The following TMTC2 variants were observed in gnomAD, a reference collection of about 807,000 sequenced individuals.
TMTC2 encodes the protein transmembrane O-mannosyltransferase targeting cadherins 2.
TMTC2 carries 43 observed loss-of-function variants against 82.4 expected under a neutral mutation model. The ratio of observed to expected loss-of-function variants is 0.52; its 90% CI spans 0.41 to 0.67. TMTC2 has a LOEUF of 0.67. TMTC2 is among the 30% of genes least tolerant of loss of function. The pLI is 0.00. For synonymous variants in TMTC2, 408 were observed against 381.9 expected (o/e 1.07, Z -0.80); for missense variants, 919 against 1,012.4 (o/e 0.91, Z 1.25).
At chr12:82,787,653 A>C (rs561809342) in intron 1 of TMTC2, among the ~76,000 whole-genome samples, 2 of 152,156 alleles carry the variant, frequency 1.3e-5, no homozygotes, top group African/African-American at 4.8e-5. Flanking sequence ...TCACTCCTGT[A>C]ATCCCGGCAT....
At chr12:83,097,057 C>A (rs1386398612) in intron 11 of TMTC2, among the ~76,000 whole-genome samples, 2 of 152,060 alleles carry the variant, frequency 1.3e-5, no homozygotes, top group African/African-American at 4.8e-5. Flanking sequence ...ACATGTGGTC[C>A]AGTGTCTGTC....
At chr12:83,071,013 AC>A (rs1430222979) in intron 11 of TMTC2, among the ~76,000 whole-genome samples, 3 of 152,080 alleles carry the variant, frequency 2.0e-5, no homozygotes, top group African/African-American at 7.2e-5. Context: ...TGTATGTTAA[AC>A]CATTCCTGCA....
chr12:82,816,411 T>C (rs1368383756), intron 1 of TMTC2, among the ~76,000 whole-genome samples: 1 of 152,076 alleles, frequency 6.6e-6, no homozygotes. Flanking sequence ...ATGGGCTCCG[T>C]TAACACTTGT....
At chr12:82,880,781 T>C (rs555858560) in intron 2 of TMTC2, among the ~76,000 whole-genome samples, 1 of 152,312 alleles carries the variant, frequency 6.6e-6, no homozygotes, top group South Asian at 2.1e-4. Flanking sequence ...ATGAAAATAA[T>C]CTATTAAAAC....
chr12:83,132,079 G>A, intron 11 of TMTC2, 131 bp from the exon 12 acceptor site: 1 of 1,030,948 alleles, frequency 9.7e-7, no homozygotes. Context: ...TGTATAAATT[G>A]CTAAATTGCT....
chr12:83,003,222 A>G (rs60490196), intron 8 of TMTC2, among the ~76,000 whole-genome samples: 2,483 of 152,158 alleles, frequency 0.016, 67 homozygotes, highest in African/African-American at 0.057. Context: ...GTTTTATCTG[A>G]TATGAGAATA....
chr12:82,902,663 T>C (rs1565801888), intron 3 of TMTC2, among the ~76,000 whole-genome samples: 1 of 152,164 alleles, frequency 6.6e-6, no homozygotes, highest in Non-Finnish European at 1.5e-5. Flanking sequence ...CTGTCCCCAA[T>C]TATTCTCTGG....
At chr12:83,062,551 T>C (rs1882781288) in intron 11 of TMTC2, among the ~76,000 whole-genome samples, 1 of 151,824 alleles carries the variant, frequency 6.6e-6, no homozygotes, top group Non-Finnish European at 1.5e-5. Flanking sequence ...AGACCATCTA[T>C]TGGGAAATGT....
intron 1 of TMTC2, among the ~76,000 whole-genome samples, chr12:82,806,920 T>A (rs1879272523): frequency 6.6e-6 from 1 of 152,044 alleles, no homozygotes; most frequent in African/African-American, 2.4e-5. Context: ...ACACCATTCT[T>A]AAGTACATGG....
At chr12:82,850,040 C>A (rs1024228299) in intron 1 of TMTC2, among the ~76,000 whole-genome samples, 1 of 151,932 alleles carries the variant, frequency 6.6e-6, no homozygotes, top group African/African-American at 2.4e-5. Context: ...TGGGGAGATA[C>A]AGTACATTAA....
At chr12:82,868,778 T>C (rs1872014247) in intron 2 of TMTC2, among the ~76,000 whole-genome samples, 1 of 151,564 alleles carries the variant, frequency 6.6e-6, no homozygotes, top group Non-Finnish European at 1.5e-5. Context: ...GCAGGCAATG[T>C]TGTTGCAGCT....
intron 2 of TMTC2, among the ~76,000 whole-genome samples, chr12:82,882,325 G>A (rs770009758): frequency 2.0e-5 from 3 of 151,994 alleles, no homozygotes; most frequent in African/African-American, 4.8e-5. Context: ...ACTAGCCTTC[G>A]GGTACTGTTG....
intron 1 of TMTC2, among the ~76,000 whole-genome samples, chr12:82,793,357 C>T (rs543224703): frequency 6.8e-6 from 1 of 146,638 alleles, no homozygotes; most frequent in Admixed American, 7.1e-5. Flanking sequence ...TCAATTGACC[C>T]AGTCTTTTTT....
intron 1 of TMTC2, among the ~76,000 whole-genome samples, chr12:82,693,951 A>G (rs1268640127): frequency 6.8e-6 from 1 of 146,972 alleles, no homozygotes; most frequent in African/African-American, 2.5e-5. Flanking sequence ...CTGGTCAACA[A>G]GAGTGAAACT....
At chr12:82,851,394 C>T (rs1011860069) in intron 1 of TMTC2, among the ~76,000 whole-genome samples, 3 of 152,100 alleles carry the variant, frequency 2.0e-5, no homozygotes, top group Admixed American at 6.6e-5. Context: ...CCAGCCTGGG[C>T]GACAGAGTGA....
chr12:82,740,970 T>G (rs995226742), intron 1 of TMTC2, among the ~76,000 whole-genome samples: 1 of 152,226 alleles, frequency 6.6e-6, no homozygotes, highest in African/African-American at 2.4e-5. Flanking sequence ...TTTCTCTGTC[T>G]TGATGTGAAG....
In TMTC2 at chr12:82,896,025, G is replaced by A. The variant is rs1195718671; in HGVS notation, c.862G>A (p.Asp288Asn). Reference protein sequence around the residue: ...TKNLWLLLCPDTLSFDWSMDA... With the variant: ...TKNLWLLLCPNTLSFDWSMDA... ...GAACCTCTGGCTGTTGCTATGTCCA[G>A]ATACCCTCAGTTTTGATTGGTCAAT... The change falls in exon 3 of 12, where the codon GAT becomes AAT. Residue 288 changes from aspartate to asparagine, a missense_variant. Asp to Asn is a conservative substitution (Grantham distance 23). Transcript: ENST00000321196. 1 of 1,613,876 alleles carries A rather than the reference G, an allele frequency of 6.2e-7. No homozygotes were observed. Among genetic ancestry groups the A allele is most frequent in the Non-Finnish European group, 8.5e-7 (1 of 1,179,990 alleles).
intron 2 of TMTC2, among the ~76,000 whole-genome samples, chr12:82,864,654 AC>A (rs1242462660): frequency 1.3e-5 from 2 of 150,834 alleles, no homozygotes; most frequent in Non-Finnish European, 3.0e-5. Context: ...GGCACACACC[AC>A]CATGCCCAGC....
intron 11 of TMTC2, among the ~76,000 whole-genome samples, chr12:83,130,838 A>G (rs1427932378): frequency 6.6e-6 from 1 of 152,218 alleles, no homozygotes; most frequent in Non-Finnish European, 1.5e-5. Context: ...TATTTCACAA[A>G]TGAAGGAAGG....
Sources: allele counts gnomAD v4.1 joint callset (sites outside exome capture counted in the v4.1 genomes callset), GRCh38; gene constraint gnomAD v4.1.1; transcripts MANE v1.5; gene names NCBI Gene and HGNC (gene_info 2026-07-23, HGNC 2026-07-21).